The following PLEKHA5 variants were observed in gnomAD, a reference collection of about 807,000 sequenced individuals.
The protein encoded by PLEKHA5 is pleckstrin homology domain-containing family A member 5.
Under a neutral mutation model 181.9 loss-of-function variants are expected in PLEKHA5, and 55 were observed. The observed-to-expected ratio is 0.30, with a 90% CI of 0.24 to 0.38. The LOEUF (loss-of-function observed/expected upper bound fraction) is 0.38. Among genes scored for constraint, PLEKHA5 ranks in the 10% least tolerant of loss-of-function variants. The pLI, the probability that PLEKHA5 is intolerant of heterozygous loss-of-function variation, is 1.00. For missense variants in PLEKHA5, 1,432 were observed against 1,549.5 expected (o/e 0.92, Z 1.27); for synonymous variants, 535 against 529.4 (o/e 1.01, Z -0.15).
chr12:19,214,905 C>T (rs532364070), intron 3 of PLEKHA5, among the ~76,000 whole-genome samples: 2 of 151,596 alleles, frequency 1.3e-5, no homozygotes, highest in African/African-American at 4.8e-5. Flanking sequence ...TGGCTGGGTG[C>T]GGTGGCTCAT....
chr12:19,305,884 A>AAAAAAAC, intron 15 of PLEKHA5, among the ~76,000 whole-genome samples: 1 of 147,538 alleles, frequency 6.8e-6, no homozygotes, highest in Non-Finnish European at 1.5e-5. Flanking sequence ...AAAAAAAAAA[A>AAAAAAAC]CAACTATGAA....
chr12:19,337,504 G>A (rs1391977317), intron 21 of PLEKHA5, among the ~76,000 whole-genome samples: 4 of 130,576 alleles, frequency 3.1e-5, no homozygotes, highest in Non-Finnish European at 4.7e-5. Flanking sequence ...AGCTGAGATC[G>A]CACCACTGTA....
chr12:19,156,661 G>A (rs954944428), intron 3 of PLEKHA5, among the ~76,000 whole-genome samples: 1 of 151,674 alleles, frequency 6.6e-6, no homozygotes, highest in Non-Finnish European at 1.5e-5. Context: ...TTATGATGTT[G>A]ATATCATAAG....
At chr12:19,362,640 G>A (rs2153234131) in intron 29 of PLEKHA5, among the ~76,000 whole-genome samples, 1 of 152,240 alleles carries the variant, frequency 6.6e-6, no homozygotes, top group East Asian at 1.9e-4. Flanking sequence ...CATGCCTGTA[G>A]TTCCAGCTAC....
At chr12:19,317,429 T>G (rs371712292) in intron 16 of PLEKHA5, among the ~76,000 whole-genome samples, 1 of 151,962 alleles carries the variant, frequency 6.6e-6, no homozygotes, top group African/African-American at 2.4e-5. Context: ...ATAGTTTTTA[T>G]AACATGATTA....
In PLEKHA5 at chr12:19,364,517, A is replaced by T. The variant is rs540163485; in HGVS notation, c.3609-1447A>T. On this transcript the variant is annotated intron_variant, in intron 29 of 31. Transcript: ENST00000429027. ...CAGAGTGAGAATCTGCCTCAAAAAA[A>T]AAATATATATGTGTCATTGCTTTGC... Among the ~76,000 whole-genome samples the T allele has an allele frequency of 1.7e-4, 26 of 152,166 alleles. 1 individual carries two copies. The highest frequency in any genetic ancestry group is 4.1e-4 in the South Asian group (2 of 4,822).
chr12:19,200,462 G>A, intron 3 of PLEKHA5: 1 of 1,422,012 alleles, frequency 7.0e-7, no homozygotes, highest in Non-Finnish European at 9.2e-7. Context: ...TAAACTGATT[G>A]TCTTCGTTAT....
intron 15 of PLEKHA5, among the ~76,000 whole-genome samples, chr12:19,314,220 G>A (rs1397317283): frequency 1.3e-5 from 2 of 152,116 alleles, no homozygotes; most frequent in Non-Finnish European, 2.9e-5. Context: ...AGTCTTTGCT[G>A]AATAAGTCTT....
chr12:19,306,301 T>C, intron 15 of PLEKHA5: 1 of 371,770 alleles, frequency 2.7e-6, no homozygotes, highest in Non-Finnish European at 5.3e-6. Flanking sequence ...TAGAGTTAAT[T>C]ATGAAAATTG....
chr12:19,203,660 G>C (rs2054705784), intron 3 of PLEKHA5, among the ~76,000 whole-genome samples: 1 of 151,992 alleles, frequency 6.6e-6, no homozygotes, highest in South Asian at 2.1e-4. Context: ...GAACACTAAA[G>C]CACCTGTCTT....
chr12:19,212,836 T>TTG (rs2057215223), intron 3 of PLEKHA5, among the ~76,000 whole-genome samples: 1 of 3,514 alleles, frequency 2.8e-4, no homozygotes, highest in Non-Finnish European at 6.8e-3. Flanking sequence ...TTTTTTGTTG[T>TTG]TTTTTTTTTT....
chr12:19,238,531 C>A (rs1234118380), intron 3 of PLEKHA5, among the ~76,000 whole-genome samples: 1 of 151,942 alleles, frequency 6.6e-6, no homozygotes, highest in East Asian at 1.9e-4. Flanking sequence ...AAGATTCTAC[C>A]CAATTTAACT....
At chr12:19,316,570 C>A (rs1453847449) in intron 16 of PLEKHA5, among the ~76,000 whole-genome samples, 1 of 152,072 alleles carries the variant, frequency 6.6e-6, no homozygotes, top group Non-Finnish European at 1.5e-5. Context: ...ACAGAAAGAT[C>A]TGAATGTCTA....
intron 11 of PLEKHA5, among the ~76,000 whole-genome samples, chr12:19,276,808 T>C (rs1445758034): frequency 3.3e-5 from 5 of 152,218 alleles, no homozygotes; most frequent in East Asian, 1.9e-4. Context: ...GTAATACATA[T>C]GTTAATTAGC....
intron 3 of PLEKHA5, chr12:19,152,461 T>A (rs1005245049): frequency 6.6e-6 from 1 of 152,228 alleles, no homozygotes; most frequent in African/African-American, 2.4e-5. Context: ...CTTTAGTCTT[T>A]CGTCAGATTT....
chr12:19,196,544 T>C (rs2052789620), intron 3 of PLEKHA5, among the ~76,000 whole-genome samples: 1 of 152,164 alleles, frequency 6.6e-6, no homozygotes, highest in South Asian at 2.1e-4. Context: ...CAGGTGTGAA[T>C]AAAAGAGGGA....
intron 25 of PLEKHA5, among the ~76,000 whole-genome samples, chr12:19,349,582 A>T (rs2094491771): frequency 6.6e-6 from 1 of 152,096 alleles, no homozygotes. Context: ...TTGCGTAAAG[A>T]AAAGAGTAGA....
intron 3 of PLEKHA5, among the ~76,000 whole-genome samples, chr12:19,186,739 G>A (rs780539498): frequency 3.9e-5 from 6 of 152,066 alleles, no homozygotes; most frequent in Non-Finnish European, 8.8e-5. Flanking sequence ...ACCCCTTGAA[G>A]TCCTATATTC....
At chr12:19,357,254 C>CTTTTTTTT (rs5796799) in intron 26 of PLEKHA5, among the ~76,000 whole-genome samples, 6 of 96,102 alleles carry the variant, frequency 6.2e-5, no homozygotes, top group Non-Finnish European at 1.1e-4. Context: ...TCTTTATATT[C>CTTTTTTTT]TTTTTTTTTT....
Sources: allele counts gnomAD v4.1 joint callset (sites outside exome capture counted in the v4.1 genomes callset), GRCh38; gene constraint gnomAD v4.1.1; transcripts MANE v1.5; gene names NCBI Gene and HGNC (gene_info 2026-07-23, HGNC 2026-07-21).